Variants in DYRK1A observed in about 807,000 individuals in gnomAD.
DYRK1A encodes dual specificity tyrosine-phosphorylation-regulated kinase 1A.
DYRK1A carries 9 observed loss-of-function variants against 79.7 expected under a neutral mutation model. The ratio of observed to expected loss-of-function variants is 0.11; its 90% CI spans 0.07 to 0.20. The LOEUF is 0.20. DYRK1A is among the 10% of genes least tolerant of loss of function. DYRK1A has a pLI of 1.00. For synonymous variants in DYRK1A, 349 were observed against 329.7 expected (o/e 1.06, Z -0.63); for missense variants, 622 against 956.0 (o/e 0.65, Z 4.61).
rs1465306834 is a variant in DYRK1A, at chr21:37,514,356, T to C, written c.*1825T>C. On this transcript the variant is annotated 3_prime_UTR_variant, in exon 12 of 12. Transcript: ENST00000647188. Reference sequence around the variant, plus strand: ...TGACCAATTTTGGGGTGTGACACTTTTGAGCGGTTGAATTGGGAGAATGAA... The same window carrying C: ...TGACCAATTTTGGGGTGTGACACTTCTGAGCGGTTGAATTGGGAGAATGAA... The C allele has an allele frequency of 6.6e-6, 1 of 152,656 alleles. No homozygotes were observed. The highest frequency in any genetic ancestry group is 1.9e-4 in the East Asian group (1 of 5,202). The allele number at this position is 152,656 out of a possible 1,614,324, so 9.5% of individuals were successfully genotyped here.
At chr21:37,400,989 C>G (rs926393155) in intron 1 of DYRK1A, among the ~76,000 whole-genome samples, 4 of 151,876 alleles carry the variant, frequency 2.6e-5, no homozygotes, top group African/African-American at 7.3e-5. Context: ...ACTAAAAATA[C>G]AAAAATTGTC....
At position 37,519,736 on chromosome 21, in the gene DYRK1A, G is replaced by GTTTTTTTTTTTTTTT. The variant is rs10590534; in HGVS notation, c.*7214_*7228dup. 2 of 85,800 alleles carry GTTTTTTTTTTTTTTT rather than the reference G, an allele frequency of 2.3e-5. No homozygotes were observed. Among genetic ancestry groups the GTTTTTTTTTTTTTTT allele is most frequent in the African/African-American group, 9.7e-5 (2 of 20,578 alleles). The allele number at this position is 85,800 out of a possible 1,614,324, so 5.3% of individuals were successfully genotyped here. A position where few individuals can be genotyped will look rare whatever the true frequency, so the allele number is the denominator to read the frequency against. ...AGAGTTTTGAGGTTTGTTGTGGGAA[G>GTTTTTTTTTTTTTTT]TTTTTTTTTTTTTTTTTTTTTTTGA... On this transcript the variant is annotated 3_prime_UTR_variant, in exon 12 of 12. Transcript: ENST00000647188.
intron 2 of DYRK1A, among the ~76,000 whole-genome samples, chr21:37,438,321 A>C (rs149024606): frequency 6.6e-6 from 1 of 152,170 alleles, no homozygotes; most frequent in African/African-American, 2.4e-5. Context: ...ATTTTTATGA[A>C]GCCTAATTTA....
chr21:37,404,815 C>T (rs2148405904), intron 1 of DYRK1A, among the ~76,000 whole-genome samples: 1 of 152,294 alleles, frequency 6.6e-6, no homozygotes, highest in South Asian at 2.1e-4. Flanking sequence ...GTGAGGATTA[C>T]TGTTTAATAG....
Position 37,514,172 on chromosome 21 carries a change from T to C in DYRK1A, c.*1641T>C, listed in dbSNP as rs1023385372. The C allele has an allele frequency of 3.9e-5, 6 of 152,638 alleles. No individual in the cohort carries two copies. Among genetic ancestry groups the C allele is most frequent in the Non-Finnish European group, 8.8e-5 (6 of 68,036 alleles). 9.5% of individuals were successfully genotyped at this position (152,638 alleles called of 1,614,324 possible). A position where few individuals can be genotyped will look rare whatever the true frequency, so the allele number is the denominator to read the frequency against. ...TGTAAACTTGAAAGCAAGACCTTGA[T>C]TGCACCAACAGGTCCAGAGTATGAG... On this transcript the variant is annotated 3_prime_UTR_variant, in exon 12 of 12. Transcript: ENST00000647188.
At position 37,367,555 on chromosome 21, in the gene DYRK1A, G is replaced by T. The variant is rs1022824101; in HGVS notation, c.-150G>T. ...GGCGGCGCTGGCTGCGGAGGCCGCG[G>T]CGGGAGCGCGGCGCGGGAGCCCGAG... is the stretch of plus-strand genomic sequence containing the variant. On this transcript the variant is annotated 5_prime_UTR_variant, in exon 1 of 12. Transcript: ENST00000647188. The T allele has an allele frequency of 6.8e-6, 1 of 147,804 alleles. No homozygotes were observed. The highest frequency in any genetic ancestry group is 2.5e-5 in the African/African-American group (1 of 40,750). 9.2% of individuals were successfully genotyped at this position (147,804 alleles called of 1,614,324 possible).
Position 37,513,977 on chromosome 21 carries a change from G to A in DYRK1A, c.*1446G>A, listed in dbSNP as rs2053832130. ...AACTGGAACTGTTGTTGAATCCATA[G>A]CCAATACATTTACAGCAATCTGTGT... On this transcript the variant is annotated 3_prime_UTR_variant, in exon 12 of 12. Transcript: ENST00000647188. 1 of 152,558 alleles carries A rather than the reference G, an allele frequency of 6.6e-6. No individual in the cohort carries two copies. The allele number at this position is 152,558 out of a possible 1,614,324, so 9.5% of individuals were successfully genotyped here. A position where few individuals can be genotyped will look rare whatever the true frequency, so the allele number is the denominator to read the frequency against.
chr21:37,369,303 A>G (rs1436352824), intron 1 of DYRK1A, among the ~76,000 whole-genome samples: 1 of 152,220 alleles, frequency 6.6e-6, no homozygotes, highest in Non-Finnish European at 1.5e-5. Flanking sequence ...ATTGTTTTCA[A>G]GTAGACTTTT....
At chr21:37,374,606 A>T (rs944407182) in intron 1 of DYRK1A, among the ~76,000 whole-genome samples, 3 of 151,738 alleles carry the variant, frequency 2.0e-5, no homozygotes, top group African/African-American at 7.3e-5. Flanking sequence ...AGGCTGGAGT[A>T]CAGTGGTGCG....
At chr21:37,383,656 C>T (rs1468515121) in intron 1 of DYRK1A, among the ~76,000 whole-genome samples, 1 of 152,114 alleles carries the variant, frequency 6.6e-6, no homozygotes, top group Non-Finnish European at 1.5e-5. Context: ...CTCTTCTTGG[C>T]TGCGATATGT....
chr21:37,506,655 AT>A (rs1336777356), intron 11 of DYRK1A, among the ~76,000 whole-genome samples: 1 of 152,128 alleles, frequency 6.6e-6, no homozygotes, highest in Non-Finnish European at 1.5e-5. Flanking sequence ...TTCTGATTTG[AT>A]TTTAGCCTTT....
chr21:37,394,670 T>A (rs771845748), intron 1 of DYRK1A, among the ~76,000 whole-genome samples: 8 of 152,196 alleles, frequency 5.3e-5, no homozygotes, highest in Non-Finnish European at 7.3e-5. Context: ...CTAGGTTGCA[T>A]GCTCCTTATG....
At chr21:37,371,983 A>T (rs752983719) in intron 1 of DYRK1A, among the ~76,000 whole-genome samples, 8 of 152,272 alleles carry the variant, frequency 5.3e-5, no homozygotes, top group Non-Finnish European at 1.0e-4. Context: ...ATCATTATCT[A>T]TATTATTTGA....
intron 1 of DYRK1A, among the ~76,000 whole-genome samples, chr21:37,395,846 C>A (rs1314206561): frequency 6.6e-6 from 1 of 152,140 alleles, no homozygotes; most frequent in African/African-American, 2.4e-5. Flanking sequence ...GTGAATAAAG[C>A]CCTGTTAGGA....
chr21:37,387,257 A>G (rs1383375580), intron 1 of DYRK1A, among the ~76,000 whole-genome samples: 1 of 152,228 alleles, frequency 6.6e-6, no homozygotes. Context: ...TAAGCCACCT[A>G]TCACACTTTT....
At chr21:37,396,332 A>C (rs1328447416) in intron 1 of DYRK1A, among the ~76,000 whole-genome samples, 4 of 152,062 alleles carry the variant, frequency 2.6e-5, no homozygotes, top group African/African-American at 9.7e-5. Context: ...CATTTAAGGT[A>C]ATGTTAACTT....
chr21:37,406,739 C>CTATATATCTCTATATATCTATATATG (rs2050152303), intron 1 of DYRK1A, among the ~76,000 whole-genome samples: 3 of 61,012 alleles, frequency 4.9e-5, no homozygotes, highest in South Asian at 4.2e-4. Context: ...ATGTATATCT[C>CTATATATCTCTATATATCTATATATG]TATATATCTC....
rs1216967814 is a variant in DYRK1A at position 37,372,198 on chromosome 21, C to T, written c.-77+4570C>T. 2.0e-5 allele frequency among the ~76,000 whole-genome samples: 3 copies of T among 152,036 alleles called. No homozygotes were observed. In the East Asian group the frequency reaches 5.8e-4, roughly 29 times the overall value. ...GTGGCTCACACCTGTAATCTCAGCA[C>T]TTTGGGAGGCCAGGGTGGGCGGATC... On this transcript the variant is annotated intron_variant, in intron 1 of 11. Transcript: ENST00000647188.
At chr21:37,381,654 G>T (rs1001754165) in intron 1 of DYRK1A, among the ~76,000 whole-genome samples, 1 of 152,192 alleles carries the variant, frequency 6.6e-6, no homozygotes, top group African/African-American at 2.4e-5. Context: ...CTATAGCCAG[G>T]TGTGGTGGTC....
Sources: gnomAD v4.1 joint callset for allele counts (sites outside exome capture counted in the v4.1 genomes callset) on GRCh38, gnomAD v4.1.1 for gene constraint, MANE v1.5 for transcripts, NCBI Gene and HGNC (gene_info 2026-07-23, HGNC 2026-07-21) for gene names.